ST14: variants seen among roughly 807,000 people sequenced by gnomAD.
ST14 encodes suppressor of tumorigenicity 14 protein.
ST14 carries 40 observed loss-of-function variants against 96.5 expected under a neutral mutation model. The observed-to-expected ratio is 0.41, with a 90% CI of 0.32 to 0.54. The LOEUF (loss-of-function observed/expected upper bound fraction) is 0.54. ST14 is among the 20% of genes least tolerant of loss of function. The probability of loss-of-function intolerance (pLI) is 0.17; values close to 1 mark genes in which losing one functional copy is unlikely to be tolerated. For synonymous variants in ST14, 506 were observed against 492.1 expected (o/e 1.03, Z -0.37); for missense variants, 1,066 against 1,188.9 (o/e 0.90, Z 1.52).
At chr11:130,184,053 C>T (rs1454552290) in intron 1 of ST14, among the ~76,000 whole-genome samples, 2 of 152,186 alleles carry the variant, frequency 1.3e-5, no homozygotes, top group Admixed American at 6.5e-5. Context: ...TGCAGAATTC[C>T]ATTTACATAA....
chr11:130,196,495 GA>G, intron 10 of ST14, 47 bp downstream of exon 10: 1 of 1,583,554 alleles, frequency 6.3e-7, no homozygotes. Context: ...GCTGCAGGGG[GA>G]GGGGTCCCAC....
chr11:130,198,818 G>C (rs999679932), intron 14 of ST14, 129 bp from the exon 15 acceptor site: 1 of 1,582,912 alleles, frequency 6.3e-7, no homozygotes, highest in African/African-American at 1.3e-5. Context: ...GAGGCCAGTG[G>C]GCGTGGGTGG....
At chr11:130,194,014 C>T in intron 7 of ST14, 135 bp from the exon 8 acceptor site, 2 of 1,123,504 alleles carry the variant, frequency 1.8e-6, no homozygotes, top group Admixed American at 1.7e-5. Context: ...TTTTTGACTC[C>T]ATTCTTGGCC....
chr11:130,195,179 T>G (rs1953347406), intron 9 of ST14, among the ~76,000 whole-genome samples: 1 of 151,950 alleles, frequency 6.6e-6, no homozygotes, highest in African/African-American at 2.4e-5. Flanking sequence ...ACCCAGGAGT[T>G]TAAGGCTACA....
In ST14 at chr11:130,190,630, C is replaced by T. The variant is rs368423798; in HGVS notation, c.811C>T (p.Arg271Cys). The T allele has an allele frequency of 4.7e-5, 75 of 1,610,896 alleles. 1 individual carries two copies. Among genetic ancestry groups the T allele is most frequent in the South Asian group, 2.3e-4 (21 of 90,638 alleles). Residue 271 changes from arginine to cysteine, a missense_variant, in exon 7 of 19, where the codon CGC becomes TGC. Physicochemically the swap from Arg to Cys is radical, Grantham distance 180 (BLOSUM62 -3). Transcript: ENST00000278742. The part of the protein sequence containing the change: ...RSFDLASCDE[R>C]GSDLVTVYNT... Reference sequence around the variant, plus strand: ...CTTTGACCTTGCGTCCTGCGACGAGCGCGGCAGCGACCTGGTGACGGTGTA... The same window carrying T: ...CTTTGACCTTGCGTCCTGCGACGAGTGCGGCAGCGACCTGGTGACGGTGTA...
chr11:130,198,742 G>A (rs1024677107), intron 14 of ST14, 121 bp downstream of exon 14: 20 of 1,342,998 alleles, frequency 1.5e-5, no homozygotes, highest in Admixed American at 2.0e-5. Context: ...TGTGTTAAGT[G>A]TGATGAGAAA....
At chr11:130,196,533 C>G in intron 10 of ST14, 37 bp from the exon 11 acceptor site, 1 of 1,540,300 alleles carries the variant, frequency 6.5e-7, no homozygotes, top group Non-Finnish European at 8.9e-7. Context: ...CGGCTCCCAG[C>G]TGTCCCTCCT....
intron 7 of ST14, among the ~76,000 whole-genome samples, chr11:130,191,550 T>G (rs534545560): frequency 6.6e-6 from 1 of 150,964 alleles, no homozygotes; most frequent in Non-Finnish European, 1.5e-5. Flanking sequence ...ATCAGCTGGG[T>G]GTGGTGGCGG....
At chr11:130,197,697 C>T in intron 11 of ST14, 144 bp from the exon 12 acceptor site, 1 of 664,924 alleles carries the variant, frequency 1.5e-6, no homozygotes, top group Non-Finnish European at 2.5e-6. Context: ...GCTTGGTGGG[C>T]CTGGGTAACC....
chr11:130,206,735 T>C (rs1953493638), intron 16 of ST14, among the ~76,000 whole-genome samples: 1 of 151,926 alleles, frequency 6.6e-6, no homozygotes, highest in African/African-American at 2.4e-5. Context: ...ACCTGGCTAA[T>C]TTTTGTGTTT....
chr11:130,166,572 CT>C (rs1370896382), intron 1 of ST14, among the ~76,000 whole-genome samples: 1 of 152,208 alleles, frequency 6.6e-6, no homozygotes, highest in African/African-American at 2.4e-5. Context: ...ATGACACCAG[CT>C]GGGAGGGAAA....
rs114258159 is a variant in ST14 at position 130,180,277 on chromosome 11, G to A, written c.82-7837G>A. On this transcript the variant is annotated intron_variant, in intron 1 of 18. Coordinates refer to ENST00000278742, the MANE Select transcript of ST14 (RefSeq NM_021978.4). ...GCAGGCTACCCATTGTCATGTGACTGCCCTTCACGGTCCCTCCCCAGGATT... is the reference window on the plus strand; with the variant it reads ...GCAGGCTACCCATTGTCATGTGACTACCCTTCACGGTCCCTCCCCAGGATT... Among the ~76,000 whole-genome samples, 354 of 152,308 alleles carry A rather than the reference G, an allele frequency of 2.3e-3. 2 individuals carry two copies. Among genetic ancestry groups the A allele is most frequent in the African/African-American group, 8.1e-3 (337 of 41,574 alleles).
Position 130,196,671 on chromosome 11 carries a change from C to T in ST14, c.1325C>T (p.Ala442Val). The stretch of plus-strand genomic sequence containing the variant: ...TCCTACACCGACACCGGCTTCTTAG[C>T]TGAATACCTCTCCTACGACTCCAGT... Reference protein sequence around the residue: ...DQSYTDTGFLAEYLSYDSSDP... With the variant: ...DQSYTDTGFLVEYLSYDSSDP... Residue 442 changes from alanine (A) to valine (V), a missense_variant, in exon 11 of 19, where the codon GCT (alanine) becomes GTT (valine). Ala to Val is a moderately conservative substitution (Grantham distance 64, BLOSUM62 0). Transcript: ENST00000278742. 6.2e-7 allele frequency: 1 copy of T among 1,614,236 alleles called. No homozygotes were observed. The highest frequency in any genetic ancestry group is 8.5e-7 in the Non-Finnish European group (1 of 1,180,034).
At chr11:130,194,809 CA>C in intron 9 of ST14, 72 bp downstream of exon 9, 1 of 1,432,948 alleles carries the variant, frequency 7.0e-7, no homozygotes, top group South Asian at 1.2e-5. Context: ...TCTCCCTGTG[CA>C]GATGTGTGTG....
rs953943272 is a variant in ST14 at position 130,187,310 on chromosome 11, C to T, written c.82-804C>T. ...GTCCGTCACTGGGTGCAGCAGACAC[C>T]CCACCTGCCCCTCCGTATTCTGGCC... On this transcript the variant is annotated intron_variant, in intron 1 of 18. Coordinates refer to ENST00000278742, the MANE Select transcript of ST14 (RefSeq NM_021978.4). The surrounding 1 kb of genome is among the most constrained non-coding windows in gnomAD (Gnocchi z 4.5). Among the ~76,000 whole-genome samples the T allele has an allele frequency of 2.0e-5, 3 of 152,176 alleles. No homozygotes were observed. Among genetic ancestry groups the T allele is most frequent in the Non-Finnish European group, 2.9e-5 (2 of 68,030 alleles).
intron 1 of ST14, among the ~76,000 whole-genome samples, chr11:130,167,247 C>A (rs1024990703): frequency 1.3e-5 from 2 of 152,060 alleles, no homozygotes; most frequent in Admixed American, 1.3e-4. Context: ...ACACAAATAC[C>A]CCTACAAAGA....
chr11:130,179,650 C>T (rs944271463), intron 1 of ST14, among the ~76,000 whole-genome samples: 9 of 152,134 alleles, frequency 5.9e-5, no homozygotes, highest in African/African-American at 2.2e-4. Context: ...TATGTGGGGT[C>T]CCTCCTAGCC....
intron 16 of ST14, among the ~76,000 whole-genome samples, chr11:130,207,223 G>T (rs934826157): frequency 1.3e-5 from 2 of 152,202 alleles, no homozygotes; most frequent in East Asian, 3.9e-4. Context: ...TCTGGGTGCT[G>T]CTGGAGACAG....
At chr11:130,162,238 C>T (rs1953003908) in intron 1 of ST14, among the ~76,000 whole-genome samples, 2 of 152,196 alleles carry the variant, frequency 1.3e-5, no homozygotes, top group Non-Finnish European at 2.9e-5. Context: ...CTGTTCCCAT[C>T]AAGTGTTCTG....
Sources: gnomAD v4.1 joint callset for allele counts (sites outside exome capture counted in the v4.1 genomes callset) on GRCh38, gnomAD v4.1.1 for gene constraint, Gnocchi (gnomAD v3.1) non-coding constraint, MANE v1.5 for transcripts, NCBI Gene and HGNC (gene_info 2026-07-23, HGNC 2026-07-21) for gene names.